The following CSNK2A2 variants were observed in gnomAD, a reference collection of about 807,000 sequenced individuals.
The protein encoded by CSNK2A2 is casein kinase 2 alpha 2.
In CSNK2A2, 8 loss-of-function variants were observed where a neutral mutation model predicts 54.0. The ratio of observed to expected loss-of-function variants is 0.15; its 90% CI spans 0.09 to 0.27. CSNK2A2 has a LOEUF of 0.27. Among genes scored for constraint, CSNK2A2 ranks in the 10% least tolerant of loss-of-function variants. The pLI is 1.00. For missense variants in CSNK2A2, 242 were observed against 439.4 expected (o/e 0.55, Z 4.02); for synonymous variants, 141 against 153.9 (o/e 0.92, Z 0.62).
In CSNK2A2 at chr16:58,186,383, C is replaced by T. The variant is rs62040363; in HGVS notation, c.318+372G>A. 3.8e-3 allele frequency among the ~76,000 whole-genome samples: 580 copies of T among 152,254 alleles called. 3 individuals carry two copies. The highest frequency in any genetic ancestry group is 5.3e-3 in the Non-Finnish European group (359 of 68,028). ...ATATTCATTCTTTCCTTGTGTAAAC[C>T]CAGATTTTCAAATGTCATGCTTACT... On this transcript the variant is annotated intron_variant, in intron 3 of 11. Coordinates refer to ENST00000262506, the MANE Select transcript of CSNK2A2 (RefSeq NM_001896.4).
chr16:58,166,481 C>G (rs1358353776), intron 9 of CSNK2A2, 103 bp downstream of exon 9: 1 of 700,632 alleles, frequency 1.4e-6, no homozygotes. Flanking sequence ...AGGGCTACTT[C>G]CATTTTACTA....
At chr16:58,194,663 T>C (rs1253486660) in intron 2 of CSNK2A2, among the ~76,000 whole-genome samples, 1 of 152,200 alleles carries the variant, frequency 6.6e-6, no homozygotes, top group African/African-American at 2.4e-5. Context: ...CAGTAAGAGA[T>C]ATGAAGAAAT....
At chr16:58,190,809 C>G (rs1962305695) in intron 2 of CSNK2A2, among the ~76,000 whole-genome samples, 1 of 152,170 alleles carries the variant, frequency 6.6e-6, no homozygotes, top group Admixed American at 6.5e-5. Context: ...AATGGTATAG[C>G]CACTATGGAA....
chr16:58,180,636 A>C (rs909817841), intron 4 of CSNK2A2, among the ~76,000 whole-genome samples: 1 of 152,196 alleles, frequency 6.6e-6, no homozygotes, highest in Non-Finnish European at 1.5e-5. Context: ...TACCCAATCT[A>C]TCTTATATAG....
chr16:58,182,404 A>AAAC (rs1567470360), intron 4 of CSNK2A2, among the ~76,000 whole-genome samples: 22 of 139,964 alleles, frequency 1.6e-4, no homozygotes, highest in Non-Finnish European at 2.8e-4. Flanking sequence ...AAAAAAAAAA[A>AAAC]ACTAGCCAGG....
intron 2 of CSNK2A2, among the ~76,000 whole-genome samples, chr16:58,195,043 A>G (rs1475345528): frequency 6.6e-6 from 1 of 152,192 alleles, no homozygotes; most frequent in Non-Finnish European, 1.5e-5. Context: ...TTCTGAATAT[A>G]CAGCAGTGGA....
chr16:58,184,929 G>T (rs1325318894), intron 3 of CSNK2A2, among the ~76,000 whole-genome samples: 1 of 152,106 alleles, frequency 6.6e-6, no homozygotes, highest in Non-Finnish European at 1.5e-5. Context: ...GACCATTAAA[G>T]ATTGTCTCAT....
chr16:58,193,852 C>T (rs946481015), intron 2 of CSNK2A2, among the ~76,000 whole-genome samples: 2 of 152,186 alleles, frequency 1.3e-5, no homozygotes, highest in Admixed American at 6.5e-5. Context: ...AAAAAAGATA[C>T]AACCTCTCTA....
At position 58,196,763 on chromosome 16, in the gene CSNK2A2, G is replaced by A; in HGVS notation, c.186C>T (p.Asn62=). 1 of 1,613,652 alleles carries A rather than the reference G, an allele frequency of 6.2e-7. No homozygotes were observed. The highest frequency in any genetic ancestry group is 1.7e-5 in the Admixed American group (1 of 60,026). Residue 62 remains asparagine, a synonymous_variant, in exon 2 of 12, where the codon AAC becomes AAT. Transcript: ENST00000262506. ...GGATTTTTACAACCACTCTCTCATT[G>A]TTGGTGATATTAATGGCCTCAAATA... ...SEVFEAINIT[N]NERVVVKILK... is the part of the protein sequence containing the mutation.
chr16:58,197,720 G>A lies in CSNK2A2; in HGVS notation c.17C>T (p.Ala6Val), dbSNP rs1962508043. 3.4e-6 allele frequency: 5 copies of A among 1,479,482 alleles called. No individual in the cohort carries two copies. Among genetic ancestry groups the A allele is most frequent in the East Asian group, 2.9e-5 (1 of 34,670 alleles). 91.6% of individuals were successfully genotyped at this position (1,479,482 alleles called of 1,614,324 possible). ...GGCGTAGACCCGGGCCCTGCTGCCC[G>A]CGGCCGGGCCGGGCATGGCGGGCGG... is the stretch of plus-strand genomic sequence containing the variant. MPGPA[A>V]GSRARVYAEV... Residue 6 changes from alanine to valine, a missense_variant, in exon 1 of 12, where the codon GCG becomes GTG. Ala to Val is a moderately conservative substitution (Grantham distance 64). Coordinates refer to ENST00000262506, the MANE Select transcript of CSNK2A2 (RefSeq NM_001896.4). This position sits in a 1 kb window ranked among gnomAD's most constrained non-coding sequence, Gnocchi z 4.0.
At chr16:58,176,784 G>A (rs1961890801) in intron 4 of CSNK2A2, among the ~76,000 whole-genome samples, 1 of 152,186 alleles carries the variant, frequency 6.6e-6, no homozygotes, top group Non-Finnish European at 1.5e-5. Flanking sequence ...CAATGTGGCT[G>A]TGCACAGGAC....
chr16:58,177,703 A>G (rs1961918105), intron 4 of CSNK2A2, among the ~76,000 whole-genome samples: 1 of 152,206 alleles, frequency 6.6e-6, no homozygotes, highest in Admixed American at 6.5e-5. Context: ...CTCTCAAGCC[A>G]CACAGTGTGT....
At chr16:58,181,783 G>A (rs1040051011) in intron 4 of CSNK2A2, among the ~76,000 whole-genome samples, 1 of 151,990 alleles carries the variant, frequency 6.6e-6, no homozygotes, top group African/African-American at 2.4e-5. Flanking sequence ...AAAACACAGG[G>A]GAAAAAGCCC....
At chr16:58,176,405 C>A (rs1327581173) in intron 4 of CSNK2A2, among the ~76,000 whole-genome samples, 2 of 152,190 alleles carry the variant, frequency 1.3e-5, no homozygotes, top group Non-Finnish European at 2.9e-5. Flanking sequence ...TTCAAAGACA[C>A]CAGTTGTACA....
At chr16:58,194,125 C>G (rs1597127057) in intron 2 of CSNK2A2, among the ~76,000 whole-genome samples, 1 of 152,266 alleles carries the variant, frequency 6.6e-6, no homozygotes, top group East Asian at 1.9e-4. Flanking sequence ...AGAAAGCCAC[C>G]CTCTATCTTG....
At chr16:58,167,910 A>C (rs1961612398) in intron 6 of CSNK2A2, 115 bp from the exon 7 acceptor site, 1 of 768,974 alleles carries the variant, frequency 1.3e-6, no homozygotes, top group African/African-American at 1.7e-5. Context: ...AAATGTGAGC[A>C]GGTGCACTGG....
At chr16:58,190,875 G>T (rs1962307225) in intron 2 of CSNK2A2, among the ~76,000 whole-genome samples, 2 of 152,158 alleles carry the variant, frequency 1.3e-5, no homozygotes, top group South Asian at 4.1e-4. Flanking sequence ...TTCCACTTCT[G>T]GGTCTATACC....
chr16:58,198,104 G>GAGGA lies in CSNK2A2; in HGVS notation c.-369_-368insTCCT, dbSNP rs1303715815. ...CGGCGGCAGCGGAGAAGAAGGAGGAGAGGAGGAGGAGGCGGAGGAAACCCG... is the reference window on the plus strand; with the variant it reads ...CGGCGGCAGCGGAGAAGAAGGAGGAGAGGAAGGAGGAGGAGGCGGAGGAAACCCG... On this transcript the variant is annotated 5_prime_UTR_variant, in exon 1 of 12. Transcript: ENST00000262506. 6.8e-6 allele frequency among the ~76,000 whole-genome samples: 1 copy of GAGGA among 146,762 alleles called. No individual in the cohort carries two copies. The highest frequency in any genetic ancestry group is 6.8e-5 in the Admixed American group (1 of 14,798).
chr16:58,174,298 T>C, intron 5 of CSNK2A2, 153 bp downstream of exon 5: 1 of 560,690 alleles, frequency 1.8e-6, no homozygotes, highest in South Asian at 2.6e-5. Context: ...TATGTGAAGA[T>C]TCCTCGATGG....
Sources: allele counts gnomAD v4.1 joint callset (sites outside exome capture counted in the v4.1 genomes callset), GRCh38; gene constraint gnomAD v4.1.1; non-coding constraint Gnocchi (gnomAD v3.1); transcripts MANE v1.5; gene names NCBI Gene and HGNC (gene_info 2026-07-23, HGNC 2026-07-21).